The following SFT2D1 variants were observed in gnomAD, a reference collection of about 807,000 sequenced individuals.
SFT2D1 encodes SFT2 domain containing 1.
A neutral mutation model predicts 28.1 loss-of-function variants in SFT2D1; 24 were observed. The observed-to-expected ratio is 0.85, with a 90% CI of 0.62 to 1.20. The LOEUF is 1.20. Ranked by LOEUF, SFT2D1 falls within the 50% of genes most tolerant of loss-of-function variation. The pLI, the probability that SFT2D1 is intolerant of heterozygous loss-of-function variation, is 0.00. For missense variants in SFT2D1, 181 were observed against 190.9 expected, an observed-to-expected ratio of 0.95 and a Z score of 0.31; for synonymous variants, 82 against 73.7, an observed-to-expected ratio of 1.11 and a Z score of -0.58.
At position 166,342,435 on chromosome 6, in the gene SFT2D1, T is replaced by C; in HGVS notation, c.47A>G (p.Gln16Arg). 1.9e-6 allele frequency: 3 copies of C among 1,561,088 alleles called. No individual in the cohort carries two copies. Among genetic ancestry groups the C allele is most frequent in the Non-Finnish European group, 2.6e-6 (3 of 1,153,338 alleles). The change falls in exon 1 of 8, where the codon CAG becomes CGG. Residue 16 changes from glutamine (Q) to arginine (R), a missense_variant. Transcript: ENST00000361731. Reference protein sequence around the residue: ...RVLSGQDDEEQGLTAQVLDAS... With the variant: ...RVLSGQDDEERGLTAQVLDAS... ...GTTCGCTACCTGCGCAGTCAGGCCC[T>C]GCTCCTCGTCGTCCTGGCCGCTCAG...
chr6:166,342,462 A>T lies in SFT2D1; in HGVS notation c.20T>A (p.Val7Asp). The change falls in exon 1 of 8, where the codon GTC (valine) becomes GAC (aspartate). Residue 7 changes from valine to aspartate, a missense_variant. Val to Asp is a radical substitution (Grantham distance 152, BLOSUM62 -3). Transcript: ENST00000361731. ...CTCCTCGTCGTCCTGGCCGCTCAGG[A>T]CTCGCCGCAGCTTCTCCATGGCCCT... MEKLRR[V>D]LSGQDDEEQG... 6.4e-7 allele frequency: 1 copy of T among 1,557,118 alleles called. No homozygotes were observed. The highest frequency in any genetic ancestry group is 8.7e-7 in the Non-Finnish European group (1 of 1,151,226).
intron 1 of SFT2D1, among the ~76,000 whole-genome samples, chr6:166,331,715 C>T (rs1043070069): frequency 3.3e-5 from 5 of 152,306 alleles, no homozygotes; most frequent in Admixed American, 6.5e-5. Flanking sequence ...AATGGAGACA[C>T]GCCCATCAGC....
At chr6:166,322,161 G>A (rs1336873630) in intron 7 of SFT2D1, among the ~76,000 whole-genome samples, 1 of 152,116 alleles carries the variant, frequency 6.6e-6, no homozygotes, top group Non-Finnish European at 1.5e-5. Context: ...AGGATTACAG[G>A]TGTGAGCCAC....
At chr6:166,325,356 T>C (rs1469621953) in intron 5 of SFT2D1, among the ~76,000 whole-genome samples, 2 of 152,212 alleles carry the variant, frequency 1.3e-5, no homozygotes, top group African/African-American at 4.8e-5. Flanking sequence ...TTCTTGTTGA[T>C]AGTTCAAGAA....
In SFT2D1 at chr6:166,320,136, G is replaced by T; in HGVS notation, c.*81C>A. On this transcript the variant is annotated 3_prime_UTR_variant, in exon 8 of 8. Transcript: ENST00000361731. ...TCAACTGTCACGTCAGTTGTTCCTG[G>T]AGTGTTTTATGGGGAAAAGCAAACT... 2.3e-6 allele frequency: 3 copies of T among 1,317,384 alleles called. No individual in the cohort carries two copies. Among genetic ancestry groups the T allele is most frequent in the Non-Finnish European group, 1.1e-6 (1 of 921,142 alleles). 81.6% of individuals were successfully genotyped at this position (1,317,384 alleles called of 1,614,324 possible).
At chr6:166,331,739 C>T (rs1778555859) in intron 1 of SFT2D1, among the ~76,000 whole-genome samples, 1 of 152,162 alleles carries the variant, frequency 6.6e-6, no homozygotes. Flanking sequence ...ATTTAACCAT[C>T]CCACAAAGTA....
intron 6 of SFT2D1, chr6:166,323,317 A>G (rs2114890396): frequency 6.4e-6 from 1 of 155,738 alleles, no homozygotes; most frequent in East Asian, 1.9e-4. Flanking sequence ...TATCAGTGAA[A>G]AAAAGTAAAG....
chr6:166,340,465 TC>T (rs1341112947), intron 1 of SFT2D1, among the ~76,000 whole-genome samples: 1 of 152,208 alleles, frequency 6.6e-6, no homozygotes, highest in African/African-American at 2.4e-5. Context: ...TCTACAATTG[TC>T]CCTCTTCTCT....
intron 1 of SFT2D1, among the ~76,000 whole-genome samples, chr6:166,341,272 C>A (rs960629959): frequency 6.6e-6 from 1 of 151,808 alleles, no homozygotes; most frequent in South Asian, 2.1e-4. Flanking sequence ...ATGGTGAAAC[C>A]CCCATCTCTA....
At chr6:166,334,931 C>T (rs1778618038) in intron 1 of SFT2D1, 6 of 436,710 alleles carry the variant, frequency 1.4e-5, no homozygotes, top group Non-Finnish European at 2.6e-5. Flanking sequence ...CATTGAAGAA[C>T]ATCGCCTAAG....
chr6:166,331,332 A>T (rs527278283), intron 1 of SFT2D1: 3 of 152,790 alleles, frequency 2.0e-5, no homozygotes, highest in Non-Finnish European at 2.9e-5. Flanking sequence ...AATGAAAAAT[A>T]AGAGAAAGTT....
chr6:166,328,277 A>T lies in SFT2D1; in HGVS notation c.314T>A (p.Leu105His). 6.4e-7 allele frequency: 1 copy of T among 1,574,758 alleles called. No homozygotes were observed. The highest frequency in any genetic ancestry group is 8.6e-7 in the Non-Finnish European group (1 of 1,160,620). Residue 105 changes from leucine (L) to histidine (H), a missense_variant and splice_region_variant, in exon 4 of 8, where the codon CTT (leucine) becomes CAT (histidine). Leu to His is a moderately conservative substitution (Grantham distance 99). Coordinates refer to ENST00000361731, the MANE Select transcript of SFT2D1 (RefSeq NM_145169.3). ...ATRLLATIVM[L>H]LCFIFTLCAA... ...TTTAAAAATGTATTATTTACTTACA[A>T]GCATAACAATTGTTGCAAGCAATCT... is the stretch of plus-strand genomic sequence containing the variant.
intron 1 of SFT2D1, among the ~76,000 whole-genome samples, chr6:166,338,562 G>A (rs1197984697): frequency 6.6e-6 from 1 of 151,928 alleles, no homozygotes; most frequent in African/African-American, 2.4e-5. Context: ...TCTGAAAAGA[G>A]CCAGGAAGGG....
intron 7 of SFT2D1, 49 bp downstream of exon 7, chr6:166,322,807 GT>G (rs775231022): frequency 6.8e-7 from 1 of 1,464,794 alleles, no homozygotes; most frequent in Non-Finnish European, 9.5e-7. Context: ...ATATATTTGT[GT>G]GAAGATAAGT....
At chr6:166,324,847 A>G (rs934946989) in intron 5 of SFT2D1, among the ~76,000 whole-genome samples, 1 of 152,366 alleles carries the variant, frequency 6.6e-6, no homozygotes, top group East Asian at 1.9e-4. Context: ...TTACTGAAAC[A>G]ATTGTGCATA....
At chr6:166,339,069 C>T (rs1433822649) in intron 1 of SFT2D1, among the ~76,000 whole-genome samples, 1 of 152,166 alleles carries the variant, frequency 6.6e-6, no homozygotes, top group Non-Finnish European at 1.5e-5. Context: ...GCAACACTCT[C>T]AGGTCATCCC....
intron 1 of SFT2D1, among the ~76,000 whole-genome samples, chr6:166,340,328 C>T (rs1417003259): frequency 2.0e-5 from 3 of 152,224 alleles, no homozygotes; most frequent in Non-Finnish European, 2.9e-5. Flanking sequence ...AAATCCAAGT[C>T]GGTCACACCA....
chr6:166,341,614 C>A (rs1778783617), intron 1 of SFT2D1, among the ~76,000 whole-genome samples: 1 of 152,118 alleles, frequency 6.6e-6, no homozygotes, highest in South Asian at 2.1e-4. Flanking sequence ...ACAAGGAAGT[C>A]AGGAGAGACA....
intron 1 of SFT2D1, chr6:166,334,990 C>T: frequency 2.1e-6 from 1 of 485,876 alleles, no homozygotes; most frequent in South Asian, 1.7e-5. Flanking sequence ...TCATGACTGA[C>T]AGAGGTAGTG....
Sources: gnomAD v4.1 joint callset for allele counts (sites outside exome capture counted in the v4.1 genomes callset) on GRCh38, gnomAD v4.1.1 for gene constraint, MANE v1.5 for transcripts, NCBI Gene and HGNC (gene_info 2026-07-23, HGNC 2026-07-21) for gene names.